The following GLIS3 variants were observed in gnomAD, a reference collection of about 807,000 sequenced individuals.
GLIS3 encodes the protein zinc finger protein GLIS3.
A neutral mutation model predicts 78.6 loss-of-function variants in GLIS3; 53 were observed. The ratio of observed to expected loss-of-function variants is 0.67; its 90% CI spans 0.54 to 0.85. The LOEUF (loss-of-function observed/expected upper bound fraction) is 0.85. Among genes scored for constraint, GLIS3 ranks in the 40% least tolerant of loss-of-function variants. The pLI is 0.00. For synonymous variants in GLIS3, 684 were observed against 509.9 expected (o/e 1.34, Z -4.60); for missense variants, 1,703 against 1,231.1 (o/e 1.38, Z -5.74).
At chr9:4,216,553 C>A in intron 2 of GLIS3, among the ~76,000 whole-genome samples, 1 of 150,302 alleles carries the variant, frequency 6.7e-6, no homozygotes, top group East Asian at 1.9e-4. Context: ...TTGGAAAATT[C>A]ATTGGACTTA....
chr9:4,187,903 C>T (rs1012600661), intron 2 of GLIS3, among the ~76,000 whole-genome samples: 3 of 151,754 alleles, frequency 2.0e-5, no homozygotes, highest in African/African-American at 7.3e-5. Flanking sequence ...TGGGCGGAGA[C>T]CATGGGGTTT....
chr9:4,012,671 C>T (rs145041740), intron 4 of GLIS3, among the ~76,000 whole-genome samples: 55 of 151,892 alleles, frequency 3.6e-4, no homozygotes, highest in African/African-American at 9.9e-4. Context: ...ATGTGGGGAC[C>T]GGTGGACCCT....
At chr9:4,323,725 G>C (rs1817567990) in intron 2 of GLIS3, among the ~76,000 whole-genome samples, 1 of 152,186 alleles carries the variant, frequency 6.6e-6, no homozygotes, top group African/African-American at 2.4e-5. Context: ...ATTGGGATCT[G>C]TCTTCTCCAC....
chr9:4,058,741 G>A (rs1039339435), intron 4 of GLIS3, among the ~76,000 whole-genome samples: 2 of 152,154 alleles, frequency 1.3e-5, no homozygotes, highest in African/African-American at 4.8e-5. Flanking sequence ...AGCACTTTGG[G>A]AGGCCAAGGC....
At chr9:4,164,795 G>C (rs984967366) in intron 2 of GLIS3, among the ~76,000 whole-genome samples, 1 of 152,126 alleles carries the variant, frequency 6.6e-6, no homozygotes, top group African/African-American at 2.4e-5. Context: ...AGGGAGGAAG[G>C]CAGTAAAACT....
chr9:4,085,904 A>G (rs1354683144), intron 4 of GLIS3, among the ~76,000 whole-genome samples: 2 of 152,164 alleles, frequency 1.3e-5, no homozygotes, highest in African/African-American at 4.8e-5. Flanking sequence ...AGCCTGCAGA[A>G]CTGTGAGCAA....
the GLIS3 span, among the ~76,000 whole-genome samples, chr9:4,469,687 A>G: frequency 2.6e-5 from 4 of 152,234 alleles, no homozygotes; most frequent in African/African-American, 7.2e-5. Context: ...AAAGCAGGAA[A>G]GATCTAAAAT....
At chr9:3,897,875 G>C (rs570750480) in intron 7 of GLIS3, among the ~76,000 whole-genome samples, 1 of 152,330 alleles carries the variant, frequency 6.6e-6, no homozygotes, top group South Asian at 2.1e-4. Flanking sequence ...AATCAGATGG[G>C]GGTGGGGGTA....
the GLIS3 span, among the ~76,000 whole-genome samples, chr9:4,357,842 T>C: frequency 6.6e-6 from 1 of 152,314 alleles, no homozygotes; most frequent in South Asian, 2.1e-4. Flanking sequence ...CCATTCCCAT[T>C]GAATCTGTGT....
At chr9:4,233,580 G>C (rs1445966980) in intron 2 of GLIS3, among the ~76,000 whole-genome samples, 1 of 152,156 alleles carries the variant, frequency 6.6e-6, no homozygotes, top group African/African-American at 2.4e-5. Flanking sequence ...TCCAGGCTTT[G>C]TTGTTCCATT....
At chr9:4,181,988 G>C (rs1347186098) in intron 2 of GLIS3, among the ~76,000 whole-genome samples, 1 of 152,222 alleles carries the variant, frequency 6.6e-6, no homozygotes, top group African/African-American at 2.4e-5. Flanking sequence ...CTAAGTTTCA[G>C]GGTGGATGTT....
chr9:4,415,207 C>A, the GLIS3 span, among the ~76,000 whole-genome samples: 2 of 152,172 alleles, frequency 1.3e-5, no homozygotes, highest in African/African-American at 4.8e-5. Flanking sequence ...GATCTTACCA[C>A]CCCATTGACT....
chr9:4,453,361 A>AG, the GLIS3 span, among the ~76,000 whole-genome samples: 38 of 144,292 alleles, frequency 2.6e-4, no homozygotes, highest in South Asian at 1.1e-3. Flanking sequence ...AAAAAAAAAA[A>AG]AAAGAAAAAA....
At chr9:4,321,460 A>AAAAAAAAAAAAC (rs1817527241) in intron 2 of GLIS3, among the ~76,000 whole-genome samples, 1 of 142,928 alleles carries the variant, frequency 7.0e-6, no homozygotes, top group Non-Finnish European at 1.5e-5. Flanking sequence ...AAAAAAAAAA[A>AAAAAAAAAAAAC]AAATCAGGTG....
intron 7 of GLIS3, 28 bp from the exon 8 acceptor site, chr9:3,879,623 A>G (rs765102228): frequency 1.9e-6 from 3 of 1,613,070 alleles, no homozygotes; most frequent in South Asian, 2.2e-5. Context: ...CAAACATGAG[A>G]CCGTGCCCCA....
intron 4 of GLIS3, among the ~76,000 whole-genome samples, chr9:4,022,752 A>G (rs972655503): frequency 6.6e-6 from 1 of 152,248 alleles, no homozygotes; most frequent in Non-Finnish European, 1.5e-5. Context: ...GAAATGAGCT[A>G]CTGATACATG....
chr9:3,900,556 G>A (rs1442080969), intron 6 of GLIS3, among the ~76,000 whole-genome samples: 5 of 152,052 alleles, frequency 3.3e-5, no homozygotes, highest in Non-Finnish European at 5.9e-5. Context: ...ATCAGAAAAT[G>A]TAACTTAAAA....
At chr9:4,199,715 C>T (rs1193523619) in intron 2 of GLIS3, among the ~76,000 whole-genome samples, 2 of 152,066 alleles carry the variant, frequency 1.3e-5, no homozygotes, top group African/African-American at 2.4e-5. Context: ...TAGTGGGGGA[C>T]TTCAACACAC....
chr9:4,031,912 C>T (rs942153381), intron 4 of GLIS3, among the ~76,000 whole-genome samples: 4 of 152,216 alleles, frequency 2.6e-5, no homozygotes, highest in Middle Eastern at 3.4e-3. Flanking sequence ...CCAATATATA[C>T]AGGGCAGGGA....
Sources: allele counts gnomAD v4.1 joint callset (sites outside exome capture counted in the v4.1 genomes callset), GRCh38; gene constraint gnomAD v4.1.1; transcripts MANE v1.5; gene names NCBI Gene and HGNC (gene_info 2026-07-23, HGNC 2026-07-21).